The following FGF12 variants were observed in gnomAD, a reference collection of about 807,000 sequenced individuals.
The protein encoded by FGF12 is fibroblast growth factor 12B.
A neutral mutation model predicts 23.6 loss-of-function variants in FGF12; 14 were observed. That is an observed-to-expected ratio of 0.59 (90% confidence interval 0.39 to 0.93). The LOEUF (loss-of-function observed/expected upper bound fraction) is 0.93, where lower values mean the gene tolerates loss of function less well. FGF12 is among the 40% of genes least tolerant of loss of function. The pLI is 0.00. For missense variants in FGF12, 175 were observed against 217.8 expected (o/e 0.80, Z 1.24); for synonymous variants, 62 against 77.3 (o/e 0.80, Z 1.04).
chr3:192,537,950 C>CTTTTTTTTTTTTTTTTTTT (rs370317111), intron 2 of FGF12, among the ~76,000 whole-genome samples: 1,661 of 120,516 alleles, frequency 0.014, 101 homozygotes, highest in Non-Finnish European at 0.019. Flanking sequence ...AGCCTTTAAC[C>CTTTTTTTTTTTTTTTTTTT]TTTTTTTTTT....
chr3:192,410,287 C>A (rs1721156508), intron 2 of FGF12, among the ~76,000 whole-genome samples: 1 of 152,070 alleles, frequency 6.6e-6, no homozygotes, highest in Admixed American at 6.5e-5. Context: ...CCCTCTCCCT[C>A]CTCTCTGTGT....
At chr3:192,638,727 T>C (rs1354782117) in intron 2 of FGF12, among the ~76,000 whole-genome samples, 1 of 152,252 alleles carries the variant, frequency 6.6e-6, no homozygotes, top group African/African-American at 2.4e-5. Context: ...CTCTGTTTTA[T>C]AGATGTGCTC....
At chr3:192,168,661 A>G (rs1435177834) in intron 5 of FGF12, among the ~76,000 whole-genome samples, 2 of 152,182 alleles carry the variant, frequency 1.3e-5, no homozygotes, top group Non-Finnish European at 2.9e-5. Flanking sequence ...ATAGTTTTCT[A>G]TTCATTAATT....
intron 2 of FGF12, among the ~76,000 whole-genome samples, chr3:192,680,056 T>C (rs1386920921): frequency 6.6e-6 from 1 of 152,182 alleles, no homozygotes; most frequent in Non-Finnish European, 1.5e-5. Context: ...AGGGCTTTTT[T>C]TTCCTTTACT....
At chr3:192,458,571 T>G (rs141604383) in intron 2 of FGF12, among the ~76,000 whole-genome samples, 4,021 of 152,256 alleles carry the variant, frequency 0.026, 140 homozygotes, top group African/African-American at 0.084. Context: ...TTTTTCCCAT[T>G]TGGAATGGCT....
chr3:192,386,601 T>C (rs1720050089), intron 2 of FGF12, among the ~76,000 whole-genome samples: 1 of 152,146 alleles, frequency 6.6e-6, no homozygotes, highest in Non-Finnish European at 1.5e-5. Flanking sequence ...AGTATGAAAG[T>C]TAAAGGAAGG....
At chr3:192,545,941 G>A (rs568744036) in intron 2 of FGF12, among the ~76,000 whole-genome samples, 15 of 152,232 alleles carry the variant, frequency 9.9e-5, no homozygotes, top group African/African-American at 2.6e-4. Context: ...ACTGATTAAA[G>A]GCATAAGGAT....
At chr3:192,449,773 T>G (rs186463049) in intron 2 of FGF12, among the ~76,000 whole-genome samples, 144 of 152,292 alleles carry the variant, frequency 9.5e-4, no homozygotes, top group African/African-American at 3.1e-3. Flanking sequence ...AGTGAGGCAC[T>G]TTGATGACTT....
In FGF12 at chr3:192,699,597, C is replaced by T. The variant is rs1249559577; in HGVS notation, c.13+27584G>A. Among the ~76,000 whole-genome samples the T allele has an allele frequency of 2.0e-5, 3 of 152,306 alleles. 1 individual carries two copies. The East Asian group carries it at 5.8e-4, about 29-fold the overall frequency. Reference sequence around the variant, plus strand: ...ACACATCTGTTCCTCTTCAGCCACACTAGCAGAAAGTCACCACTCTAACAA... The same window carrying T: ...ACACATCTGTTCCTCTTCAGCCACATTAGCAGAAAGTCACCACTCTAACAA... On this transcript the variant is annotated intron_variant, in intron 2 of 5. Transcript: ENST00000445105.
intron 4 of FGF12, among the ~76,000 whole-genome samples, chr3:192,183,803 G>A (rs764240770): frequency 5.3e-5 from 8 of 152,164 alleles, no homozygotes; most frequent in Admixed American, 2.6e-4. Flanking sequence ...AGACCATGGC[G>A]CTAAATAACA....
chr3:192,675,189 G>T (rs1404077562), intron 2 of FGF12, among the ~76,000 whole-genome samples: 1 of 152,056 alleles, frequency 6.6e-6, no homozygotes, highest in Non-Finnish European at 1.5e-5. Flanking sequence ...AGACCTGGAT[G>T]GTCCCAGTAC....
intron 2 of FGF12, among the ~76,000 whole-genome samples, chr3:192,567,195 T>C (rs1400250872): frequency 6.6e-6 from 1 of 152,158 alleles, no homozygotes; most frequent in Non-Finnish European, 1.5e-5. Flanking sequence ...CAAAACTTTG[T>C]CGTTGTTTCT....
rs9836454 is a variant in FGF12, at chr3:192,531,732, G to C, written c.14-171194C>G. On this transcript the variant is annotated intron_variant, in intron 2 of 5. Transcript: ENST00000445105. ...GGAAGTTATGTGAAGATAAAATTTG[G>C]GAAATCAACCCCCTCCTTTAATTTT... Among the ~76,000 whole-genome samples the C allele has an allele frequency of 2.3e-3, 348 of 152,258 alleles. 2 individuals are homozygous for C. The highest frequency in any genetic ancestry group is 8.2e-3 in the African/African-American group (340 of 41,560).
rs1713303662 is a variant in FGF12, at chr3:192,140,383, G to GA, written c.*3625dup. The stretch of plus-strand genomic sequence containing the variant: ...GCAGATGAAATTAAGCAATATCATG[G>GA]AAAACCTTCTCAAGAGCAAGGCCTT... On this transcript the variant is annotated 3_prime_UTR_variant, in exon 6 of 6. Transcript: ENST00000445105. The GA allele has an allele frequency of 6.6e-6, 1 of 151,902 alleles. No homozygotes were observed. The highest frequency in any genetic ancestry group is 6.6e-5 in the Admixed American group (1 of 15,242). The allele number at this position is 151,902 out of a possible 1,614,324, so 9.4% of individuals were successfully genotyped here. A position where few individuals can be genotyped will look rare whatever the true frequency, so the allele number is the denominator to read the frequency against.
At chr3:192,464,790 C>A (rs1722964135) in intron 2 of FGF12, among the ~76,000 whole-genome samples, 1 of 151,986 alleles carries the variant, frequency 6.6e-6, no homozygotes, top group Non-Finnish European at 1.5e-5. Context: ...AAGGGTAGTG[C>A]AAGCCTGCCT....
At chr3:192,400,943 T>A (rs1162089101) in intron 2 of FGF12, among the ~76,000 whole-genome samples, 1 of 152,204 alleles carries the variant, frequency 6.6e-6, no homozygotes, top group African/African-American at 2.4e-5. Context: ...TCTCAAACTT[T>A]TTGTTTTCAG....
chr3:192,411,501 A>G (rs1029097849), intron 2 of FGF12, among the ~76,000 whole-genome samples: 5 of 152,218 alleles, frequency 3.3e-5, no homozygotes, highest in African/African-American at 1.2e-4. Context: ...AAAAAGACAC[A>G]CGCACACACA....
At chr3:192,161,282 G>C (rs1302030053) in intron 5 of FGF12, among the ~76,000 whole-genome samples, 1 of 152,080 alleles carries the variant, frequency 6.6e-6, no homozygotes, top group Non-Finnish European at 1.5e-5. Context: ...AGCAATCTAT[G>C]CTTTAGTGGG....
At chr3:192,388,762 G>A (rs1720161854) in intron 2 of FGF12, among the ~76,000 whole-genome samples, 1 of 151,882 alleles carries the variant, frequency 6.6e-6, no homozygotes, top group African/African-American at 2.4e-5. Flanking sequence ...ATGCCAGACT[G>A]TGGAATTCTA....
Sources: allele counts gnomAD v4.1 joint callset (sites outside exome capture counted in the v4.1 genomes callset), GRCh38; gene constraint gnomAD v4.1.1; transcripts MANE v1.5; gene names NCBI Gene and HGNC (gene_info 2026-07-23, HGNC 2026-07-21).